Variants in ARAP3 observed in about 807,000 individuals in gnomAD.
ARAP3 encodes ArfGAP with RhoGAP domain, ankyrin repeat and PH domain 3.
ARAP3 carries 82 observed loss-of-function variants against 169.2 expected under a neutral mutation model. The ratio of observed to expected loss-of-function variants is 0.48; its 90% CI spans 0.41 to 0.58. The LOEUF (loss-of-function observed/expected upper bound fraction) is 0.58. Ranked by LOEUF, ARAP3 falls within the 20% of genes least tolerant of loss-of-function variation. ARAP3 has a pLI of 0.00. For synonymous variants in ARAP3, 791 were observed against 800.3 expected (o/e 0.99, Z 0.20); for missense variants, 1,764 against 2,018.0 (o/e 0.87, Z 2.41).
intron 4 of ARAP3, among the ~76,000 whole-genome samples, chr5:141,676,444 ACTGT>A (rs1018486507): frequency 2.6e-5 from 4 of 152,108 alleles, no homozygotes; most frequent in African/African-American, 9.7e-5. Context: ...CTCAAAAGAC[ACTGT>A]CTGTACTTTT....
chr5:141,680,156 T>A lies in ARAP3; in HGVS notation c.331A>T (p.Thr111Ser), dbSNP rs745801792. 1 of 1,607,270 alleles carries A rather than the reference T, an allele frequency of 6.2e-7. No individual in the cohort carries two copies. The highest frequency in any genetic ancestry group is 1.3e-5 in the African/African-American group (1 of 74,530). ...GCTGGGCTCAGCCCAGGTCTCTGAGTGGTGGCAGGGCCACTGAGTCCACCA... is the reference window on the plus strand; with the variant it reads ...GCTGGGCTCAGCCCAGGTCTCTGAGAGGTGGCAGGGCCACTGAGTCCACCA... The part of the protein sequence containing the change: ...VFGGLSGPAT[T>S]QRPGLSPALG... Residue 111 changes from threonine (T) to serine (S), a missense_variant, in exon 2 of 33, where the codon ACT becomes TCT. Physicochemically the swap from Thr to Ser is moderately conservative, Grantham distance 58 (BLOSUM62 1). Around this residue, in one of 3 missense-constraint regions of ARAP3, gnomAD observed 630 missense variants for 678.7 expected, o/e 0.93. Coordinates refer to ENST00000239440, the MANE Select transcript of ARAP3 (RefSeq NM_022481.6).
In ARAP3 at chr5:141,666,473, G is replaced by T. The variant is rs537046112; in HGVS notation, c.2523C>A (p.Gly841=). Reference sequence around the variant, plus strand: ...GCACCATGTCCTCAGGGGCTGGGGGGCCTGGGCCCGGCGCTGAGCACAGGA... The same window carrying T: ...GCACCATGTCCTCAGGGGCTGGGGGTCCTGGGCCCGGCGCTGAGCACAGGA... The part of the protein sequence containing the change: ...HLFLCSAPGP[G]PPAPEDMVHL... Residue 841 remains glycine (G), a synonymous_variant, in exon 17 of 33, where the codon GGC becomes GGA. Transcript: ENST00000239440. 8 of 1,597,536 alleles carry T rather than the reference G, an allele frequency of 5.0e-6. No homozygotes were observed. In the African/African-American group the frequency reaches 9.4e-5, roughly 19 times the overall value.
At position 141,670,541 on chromosome 5, in the gene ARAP3, C is replaced by G. The variant is rs1291917467; in HGVS notation, c.2078G>C (p.Gly693Ala). Residue 693 changes from glycine (G) to alanine (A), a missense_variant, in exon 14 of 33, where the codon GGA becomes GCA. By Grantham distance (60) the Gly-to-Ala change is moderately conservative (BLOSUM62 0). Transcript: ENST00000239440. ...CCGGCCCCTGCGAGGGGGTGAGGGT[C>G]CAGCTTTGTTGCTGACGGGACTGCA... Reference protein sequence around the residue: ...LYCSPVSNKAGPSPPRRGRDA... With the variant: ...LYCSPVSNKAAPSPPRRGRDA... The G allele has an allele frequency of 1.2e-6, 2 of 1,613,936 alleles. No individual in the cohort carries two copies. The highest frequency in any genetic ancestry group is 3.3e-5 in the Admixed American group (2 of 60,000).
rs1562406235 is a variant in ARAP3 at position 141,659,857 on chromosome 5, C to G, written c.3189G>C (p.Val1063=). 6.2e-7 allele frequency: 1 copy of G among 1,603,456 alleles called. No homozygotes were observed. The highest frequency in any genetic ancestry group is 8.5e-7 in the Non-Finnish European group (1 of 1,175,684). The change falls in exon 22 of 33, where the codon GTG becomes GTC. Residue 1063 remains valine, a synonymous_variant. Coordinates refer to ENST00000239440, the MANE Select transcript of ARAP3 (RefSeq NM_022481.6). ...RNLALLFAPS[V]FQTDGRGEHE... is the part of the protein sequence containing the mutation. ...GCTCCCCTCGCCCATCCGTCTGGAA[C>G]ACGCTGGGTGCAAACAGCAGAGCCA...
chr5:141,673,213 T>C, intron 6 of ARAP3, 80 bp from the exon 7 acceptor site: 1 of 1,600,610 alleles, frequency 6.2e-7, no homozygotes, highest in African/African-American at 1.3e-5. Context: ...CCCCAGATTT[T>C]ATAAGATTGG....
In ARAP3 at chr5:141,670,018, A is replaced by T; in HGVS notation, c.2153T>A (p.Phe718Tyr). The change falls in exon 15 of 33, where the codon TTT becomes TAT. Residue 718 changes from phenylalanine (F) to tyrosine (Y), a missense_variant. Around this residue, in one of 3 missense-constraint regions of ARAP3, gnomAD observed 1,112 missense variants for 1,285.7 expected, o/e 0.86. Coordinates refer to ENST00000239440, the MANE Select transcript of ARAP3 (RefSeq NM_022481.6). Reference protein sequence around the residue: ...WCVLGAALEMFASENSPEPLS... With the variant: ...WCVLGAALEMYASENSPEPLS... ...GGGTTCAGGGCTGTTTTCCGATGCA[A>T]ACATTTCCAGAGCTGCTCCCAGCAC... 1 of 1,598,052 alleles carries T rather than the reference A, an allele frequency of 6.3e-7. No homozygotes were observed. The highest frequency in any genetic ancestry group is 8.5e-7 in the Non-Finnish European group (1 of 1,176,046).
intron 16 of ARAP3, 47 bp downstream of exon 16, chr5:141,669,662 G>T: frequency 6.4e-7 from 1 of 1,565,154 alleles, no homozygotes; most frequent in South Asian, 1.1e-5. Flanking sequence ...GAGCACGTGG[G>T]GACAAGGAAA....
chr5:141,670,348 G>T (rs915958175), intron 14 of ARAP3, among the ~76,000 whole-genome samples, 164 bp downstream of exon 14: 1 of 152,102 alleles, frequency 6.6e-6, no homozygotes, highest in Non-Finnish European at 1.5e-5. Flanking sequence ...ATCACCCAAT[G>T]CTGCCACTTG....
intron 23 of ARAP3, 90 bp downstream of exon 23, chr5:141,659,318 T>G: frequency 7.8e-7 from 1 of 1,274,996 alleles, no homozygotes; most frequent in Non-Finnish European, 1.1e-6. Context: ...AAGGACAGGC[T>G]GGAAACTTCC....
intron 19 of ARAP3, among the ~76,000 whole-genome samples, chr5:141,664,171 G>A (rs1055881738): frequency 1.3e-5 from 2 of 152,110 alleles, no homozygotes; most frequent in Admixed American, 6.5e-5. Context: ...GATCACCTGA[G>A]GTCAGGAATT....
chr5:141,656,996 G>A (rs1336558700), intron 25 of ARAP3, 150 bp from the exon 26 acceptor site: 5 of 1,166,624 alleles, frequency 4.3e-6, no homozygotes, highest in Non-Finnish European at 5.9e-6. Context: ...CTGGCCCTGG[G>A]ATACGGTGGT....
intron 13 of ARAP3, among the ~76,000 whole-genome samples, chr5:141,670,917 C>G (rs1395581117): frequency 6.6e-6 from 1 of 152,228 alleles, no homozygotes; most frequent in African/African-American, 2.4e-5. Context: ...ATGTACCATC[C>G]TGTAAGGGTC....
rs1411397487 is a variant in ARAP3, at chr5:141,654,240, A to T, written c.4345T>A (p.Phe1449Ile). 19 of 1,614,084 alleles carry T rather than the reference A, an allele frequency of 1.2e-5. No homozygotes were observed. The highest frequency in any genetic ancestry group is 1.6e-5 in the Non-Finnish European group (19 of 1,180,004). Reference protein sequence around the residue: ...LTSQKSLDQPFLSKSSTLGQE... With the variant: ...LTSQKSLDQPILSKSSTLGQE... ...CCAAGGGTGCTTGACTTGGAGAGAA[A>T]GGGTTGATCCAATGACTTCTGGCTG... Residue 1449 changes from phenylalanine (F) to isoleucine (I), a missense_variant, in exon 33 of 33, where the codon TTT (phenylalanine) becomes ATT (isoleucine). By Grantham distance (21) the Phe-to-Ile change is conservative. Transcript: ENST00000239440.
In ARAP3 at chr5:141,656,627, A is replaced by T. The variant is rs1381998290; in HGVS notation, c.3666T>A (p.Arg1222=). 6.2e-7 allele frequency: 1 copy of T among 1,613,434 alleles called. No individual in the cohort carries two copies. Among genetic ancestry groups the T allele is most frequent in the African/African-American group, 1.3e-5 (1 of 74,916 alleles). Residue 1222 remains arginine, a synonymous_variant, in exon 27 of 33, where the codon CGT becomes CGA. Transcript: ENST00000239440. Reference sequence around the variant, plus strand: ...GCAACAGCCCCACCCGTGGGCTCTCACGTCGGATACCTGGGCATAGATGGG... The same window carrying T: ...GCAACAGCCCCACCCGTGGGCTCTCTCGTCGGATACCTGGGCATAGATGGG... ...QAGCLFTGIR[R]ESPRVGLLRC... is the part of the protein sequence containing the mutation.
rs1021333057 is a variant in ARAP3 at position 141,679,577 on chromosome 5, G to A, written c.666C>T (p.Ser222=). The A allele has an allele frequency of 1.1e-5, 17 of 1,614,158 alleles. No individual in the cohort carries two copies. The highest frequency in any genetic ancestry group is 1.4e-5 in the Non-Finnish European group (16 of 1,180,024). ...CAGCCCTGCCCTGACAAACACCTCT[G>A]CTCTCTCTTCTGTCGGGGGCTCCTG... ...GTPGAPDRRE[S]RGVCQGRAEH... is the part of the protein sequence containing the mutation. The change falls in exon 4 of 33, where the codon AGC becomes AGT. Residue 222 remains serine, a synonymous_variant. Coordinates refer to ENST00000239440, the MANE Select transcript of ARAP3 (RefSeq NM_022481.6).
At chr5:141,662,470 C>A (rs2099910085) in intron 19 of ARAP3, among the ~76,000 whole-genome samples, 1 of 152,310 alleles carries the variant, frequency 6.6e-6, no homozygotes, top group East Asian at 1.9e-4. Flanking sequence ...CAAGTACAAC[C>A]CCCATCACAC....
intron 5 of ARAP3, 45 bp from the exon 6 acceptor site, chr5:141,673,515 G>T (rs1315823450): frequency 6.2e-7 from 1 of 1,613,836 alleles, no homozygotes; most frequent in South Asian, 1.1e-5. Context: ...GTTGCATGGG[G>T]TTAGGGGGAT....
In ARAP3 at chr5:141,659,183, A is replaced by G. The variant is rs1200262828; in HGVS notation, c.3336+225T>C. On this transcript the variant is annotated intron_variant, in intron 23 of 32. Coordinates refer to ENST00000239440, the MANE Select transcript of ARAP3 (RefSeq NM_022481.6). ...CCAAAACCAACTATCCAGTGCCAAG[A>G]TTATCACCAGGAAGAATCCTCATGG... Among the ~76,000 whole-genome samples, 12 of 152,300 alleles carry G rather than the reference A, an allele frequency of 7.9e-5. No individual in the cohort carries two copies. In the South Asian group the frequency reaches 1.7e-3, roughly 21 times the overall value.
chr5:141,659,278 T>C (rs1455934699), intron 23 of ARAP3, 130 bp downstream of exon 23: 2 of 815,154 alleles, frequency 2.5e-6, no homozygotes, highest in Non-Finnish European at 4.1e-6. Flanking sequence ...GTTCCCCCTG[T>C]CTCCCAAAGA....
Sources: gnomAD v4.1 joint callset for allele counts (sites outside exome capture counted in the v4.1 genomes callset) on GRCh38, gnomAD v4.1.1 for gene constraint, gnomAD v4.1.1 regional missense constraint, MANE v1.5 for transcripts, NCBI Gene and HGNC (gene_info 2026-07-23, HGNC 2026-07-21) for gene names.